Variants in GCNT2 observed in about 807,000 individuals in gnomAD.
GCNT2 encodes glucosaminyl (N-acetyl) transferase 2 (I blood group).
A neutral mutation model predicts 34.2 loss-of-function variants in GCNT2; 34 were observed. The observed-to-expected ratio is 1.00, with a 90% CI of 0.76 to 1.32. The LOEUF (loss-of-function observed/expected upper bound fraction) is 1.32. GCNT2 is among the 40% of genes most tolerant of loss of function. The pLI, the probability that GCNT2 is intolerant of heterozygous loss-of-function variation, is 0.00. For missense variants in GCNT2, 584 were observed against 489.4 expected (o/e 1.19, Z -1.82); for synonymous variants, 212 against 188.0 (o/e 1.13, Z -1.04).
intron 3 of GCNT2, among the ~76,000 whole-genome samples, chr6:10,601,956 A>C (rs944202264): frequency 2.9e-4 from 43 of 148,886 alleles, no homozygotes; most frequent in Non-Finnish European, 3.8e-4. Flanking sequence ...AAAAAAAAAA[A>C]AAAACAAAAA....
At chr6:10,540,093 AAAGG>A (rs149369545) in intron 3 of GCNT2, among the ~76,000 whole-genome samples, 4,383 of 151,376 alleles carry the variant, frequency 0.029, 196 homozygotes, top group African/African-American at 0.099. Flanking sequence ...AAAAGGAAGG[AAAGG>A]AAGGAAGGAA....
rs118037368 is a variant in GCNT2, at chr6:10,617,709, C to T, written c.926-3642C>T. On this transcript the variant is annotated intron_variant, in intron 3 of 4. Transcript: ENST00000495262. Reference sequence around the variant, plus strand: ...TCAGCCTCCCAAAGTGCTGGGACCACAGGCATGGGCCACTGCACCTGGCCA... The same window carrying T: ...TCAGCCTCCCAAAGTGCTGGGACCATAGGCATGGGCCACTGCACCTGGCCA... Among the ~76,000 whole-genome samples, 45 of 151,612 alleles carry T rather than the reference C, an allele frequency of 3.0e-4. No individual in the cohort carries two copies. The East Asian group carries it at 7.5e-3, about 25-fold the overall frequency.
intron 3 of GCNT2, among the ~76,000 whole-genome samples, chr6:10,610,633 C>G (rs1467271452): frequency 3.3e-5 from 5 of 152,152 alleles, no homozygotes; most frequent in Non-Finnish European, 5.9e-5. Flanking sequence ...AATATAAATT[C>G]TCTAGATACA....
At chr6:10,557,395 C>T (rs917767682) in intron 3 of GCNT2, 7 of 1,427,494 alleles carry the variant, frequency 4.9e-6, no homozygotes, top group African/African-American at 4.2e-5. Context: ...TTTGAAAGGG[C>T]TTTAGAATAA....
At chr6:10,578,302 A>T (rs2127404162) in intron 3 of GCNT2, among the ~76,000 whole-genome samples, 1 of 151,386 alleles carries the variant, frequency 6.6e-6, no homozygotes, top group East Asian at 2.0e-4. Flanking sequence ...AATCGCTTGA[A>T]TCCAGGAGGC....
chr6:10,607,958 G>T (rs1300669317), intron 3 of GCNT2, among the ~76,000 whole-genome samples: 2 of 152,092 alleles, frequency 1.3e-5, no homozygotes, highest in Non-Finnish European at 2.9e-5. Context: ...ATCCTGCTTA[G>T]GTTCGAGAAC....
chr6:10,544,360 T>G (rs1762171645), intron 3 of GCNT2, among the ~76,000 whole-genome samples: 1 of 149,592 alleles, frequency 6.7e-6, no homozygotes, highest in East Asian at 2.0e-4. Flanking sequence ...ATCCCAGCAC[T>G]TTGGGAGGCT....
At chr6:10,601,688 T>A (rs1004439465) in intron 3 of GCNT2, among the ~76,000 whole-genome samples, 4 of 152,120 alleles carry the variant, frequency 2.6e-5, no homozygotes, top group African/African-American at 9.7e-5. Flanking sequence ...ACGCCTGTAA[T>A]CTCAGCACTT....
intron 3 of GCNT2, among the ~76,000 whole-genome samples, chr6:10,620,155 ATG>A (rs1419641725): frequency 6.6e-6 from 1 of 152,174 alleles, no homozygotes; most frequent in Non-Finnish European, 1.5e-5. Context: ...TCTGTTCTGC[ATG>A]TGTGTGTTTG....
intron 3 of GCNT2, among the ~76,000 whole-genome samples, chr6:10,616,367 C>G (rs533286759): frequency 6.6e-6 from 1 of 152,304 alleles, no homozygotes; most frequent in Non-Finnish European, 1.5e-5. Flanking sequence ...ACAGCACTTC[C>G]ACAGTGTGGA....
intron 3 of GCNT2, among the ~76,000 whole-genome samples, chr6:10,602,720 G>C (rs756683773): frequency 1.3e-5 from 2 of 152,204 alleles, no homozygotes; most frequent in African/African-American, 4.8e-5. Context: ...TGGAGGGAAG[G>C]TTTTACAAGT....
intron 3 of GCNT2, among the ~76,000 whole-genome samples, chr6:10,530,661 AG>A (rs769588829): frequency 2.1e-4 from 32 of 152,084 alleles, no homozygotes; most frequent in Non-Finnish European, 4.3e-4. Context: ...TCTTGAAGCC[AG>A]GAGTTTGAGA....
intron 3 of GCNT2, among the ~76,000 whole-genome samples, chr6:10,577,439 C>T (rs532334896): frequency 6.6e-6 from 1 of 152,330 alleles, no homozygotes; most frequent in Non-Finnish European, 1.5e-5. Context: ...GATAGGTCAC[C>T]GAGCAGTCTG....
chr6:10,575,053 C>T lies in GCNT2; in HGVS notation c.925+45217C>T, dbSNP rs1403637361. 4 of 605,230 alleles carry T rather than the reference C, an allele frequency of 6.6e-6. No individual in the cohort carries two copies. In the Admixed American group the frequency reaches 8.1e-5, roughly 12 times the overall value. The allele number at this position is 605,230 out of a possible 1,614,324, so 37.5% of individuals were successfully genotyped here. The stretch of plus-strand genomic sequence containing the variant: ...AACACTGCAGACTCTTCCCATTTAG[C>T]CATGGTAACACTTGGGGGTGTTCCT... On this transcript the variant is annotated intron_variant, in intron 3 of 4. Transcript: ENST00000495262.
intron 3 of GCNT2, among the ~76,000 whole-genome samples, chr6:10,531,675 G>C (rs1385388925): frequency 6.6e-6 from 1 of 152,172 alleles, no homozygotes; most frequent in Non-Finnish European, 1.5e-5. Context: ...TAGGGCTCAG[G>C]AAAGTCTGGT....
chr6:10,608,423 T>C (rs1171740141), intron 3 of GCNT2, among the ~76,000 whole-genome samples: 2 of 152,192 alleles, frequency 1.3e-5, no homozygotes, highest in Admixed American at 6.5e-5. Context: ...CATATTGCTC[T>C]TCCAAAAATT....
intron 3 of GCNT2, among the ~76,000 whole-genome samples, chr6:10,535,767 C>T (rs1056075455): frequency 6.6e-5 from 10 of 151,954 alleles, no homozygotes; most frequent in Non-Finnish European, 1.2e-4. Flanking sequence ...GCTTTGTGGG[C>T]GGTGGGAGGA....
intron 3 of GCNT2, among the ~76,000 whole-genome samples, chr6:10,606,123 T>C (rs1425603691): frequency 6.6e-6 from 1 of 152,250 alleles, no homozygotes; most frequent in Non-Finnish European, 1.5e-5. Flanking sequence ...GAGACCAGCC[T>C]GGCCAACTTG....
At chr6:10,533,629 A>G (rs1761603905) in intron 3 of GCNT2, among the ~76,000 whole-genome samples, 1 of 151,316 alleles carries the variant, frequency 6.6e-6, no homozygotes, top group South Asian at 2.1e-4. Flanking sequence ...CTCTACTAAA[A>G]ATACAAAAAA....
Sources: allele counts gnomAD v4.1 joint callset (sites outside exome capture counted in the v4.1 genomes callset), GRCh38; gene constraint gnomAD v4.1.1; transcripts MANE v1.5; gene names NCBI Gene and HGNC (gene_info 2026-07-23, HGNC 2026-07-21).